The following NAV3 variants were observed in gnomAD, a reference collection of about 807,000 sequenced individuals.
NAV3 encodes neuron navigator 3, also known as pore membrane and/or filament interacting like protein 1.
In NAV3, 87 loss-of-function variants were observed where a neutral mutation model predicts 244.7. The ratio of observed to expected loss-of-function variants is 0.36; its 90% CI spans 0.30 to 0.42. NAV3 has a LOEUF of 0.42. Ranked by LOEUF, NAV3 falls within the 20% of genes least tolerant of loss-of-function variation. The pLI is 1.00. For synonymous variants in NAV3, 1,126 were observed against 1,042.2 expected, an observed-to-expected ratio of 1.08 and a Z score of -1.55; for missense variants, 2,663 against 2,893.3, an observed-to-expected ratio of 0.92 and a Z score of 1.83.
intron 1 of NAV3, among the ~76,000 whole-genome samples, chr12:77,885,282 T>G (rs866245581): frequency 2.0e-5 from 3 of 152,130 alleles, no homozygotes; most frequent in Admixed American, 6.6e-5. Flanking sequence ...ACTCTTAAAA[T>G]GTAATGATCT....
rs369643928 is a variant in NAV3, at chr12:77,659,583, T to C, written c.72+87317T>C. Among the ~76,000 whole-genome samples, 15 of 152,176 alleles carry C rather than the reference T, an allele frequency of 9.9e-5. No individual in the cohort carries two copies. In the East Asian group the frequency reaches 1.6e-3, roughly 16 times the overall value. Reference sequence around the variant, plus strand: ...CTCAGGGATCTAGAACTAGAAATACTATTTGACCCAGCCATCCCATTACTG... The same window carrying C: ...CTCAGGGATCTAGAACTAGAAATACCATTTGACCCAGCCATCCCATTACTG... On this transcript the variant is annotated intron_variant, in intron 2 of 8. Coordinates refer to the NAV3 transcript ENST00000550042.
intron 1 of NAV3, among the ~76,000 whole-genome samples, chr12:77,895,456 G>A (rs1293464680): frequency 2.0e-5 from 3 of 151,864 alleles, no homozygotes; most frequent in Non-Finnish European, 4.4e-5. Flanking sequence ...TGAGTTTTGG[G>A]CATGCAGCAA....
intron 18 of NAV3, among the ~76,000 whole-genome samples, chr12:78,132,783 A>G (rs1386164663): frequency 2.6e-5 from 4 of 152,096 alleles, no homozygotes; most frequent in African/African-American, 9.7e-5. Context: ...TTTCAGCTCT[A>G]AAACTAAAAT....
At position 77,991,025 on chromosome 12, in the gene NAV3, A is replaced by G. The variant is rs778082453; in HGVS notation, c.672-3778A>G. Among the ~76,000 whole-genome samples the G allele has an allele frequency of 2.0e-3, 306 of 152,120 alleles. 2 individuals are homozygous for G. Among genetic ancestry groups the G allele is most frequent in the Non-Finnish European group, 7.2e-4 (49 of 68,000 alleles). ...TCAAAATGTATTAGTTTTATTGTTTATTTATTTTTTTATTTTTTCTGAGAG... is the reference window on the plus strand; with the variant it reads ...TCAAAATGTATTAGTTTTATTGTTTGTTTATTTTTTTATTTTTTCTGAGAG... On this transcript the variant is annotated intron_variant, in intron 5 of 39. Transcript: ENST00000397909.
At chr12:77,767,904 G>A (rs1466427682) in intron 2 of NAV3, among the ~76,000 whole-genome samples, 1 of 152,214 alleles carries the variant, frequency 6.6e-6, no homozygotes, top group East Asian at 1.9e-4. Context: ...CCACCATTTG[G>A]CAGGTCCCAA....
intron 5 of NAV3, among the ~76,000 whole-genome samples, chr12:77,971,683 A>G (rs1011148649): frequency 1.3e-5 from 2 of 152,150 alleles, no homozygotes; most frequent in African/African-American, 4.8e-5. Flanking sequence ...GGTGTGAGTC[A>G]TAAATCATGA....
Position 77,621,338 on chromosome 12 carries a change from C to T in NAV3, c.72+49072C>T, listed in dbSNP as rs933897483. 3.3e-5 allele frequency among the ~76,000 whole-genome samples: 5 copies of T among 152,244 alleles called. No individual in the cohort carries two copies. The South Asian group carries it at 6.2e-4, about 19-fold the overall frequency. On this transcript the variant is annotated intron_variant, in intron 2 of 8. Coordinates refer to the NAV3 transcript ENST00000550042. ...ATGCCCTCCTACCCATCAAAGTTCT[C>T]GACATCCATCAGCTCTGAGAAATGA...
intron 1 of NAV3, among the ~76,000 whole-genome samples, chr12:77,905,444 A>G (rs567403379): frequency 1.3e-5 from 2 of 152,274 alleles, no homozygotes; most frequent in South Asian, 2.1e-4. Flanking sequence ...TTCAAAATAC[A>G]TGAGTCCAGT....
chr12:77,756,748 T>C (rs1869202028), intron 2 of NAV3, among the ~76,000 whole-genome samples: 1 of 152,228 alleles, frequency 6.6e-6, no homozygotes, highest in Non-Finnish European at 1.5e-5. Flanking sequence ...TGAAATTACT[T>C]TGTAATTCTG....
At chr12:77,661,518 A>C (rs1418201294) in intron 2 of NAV3, among the ~76,000 whole-genome samples, 1 of 151,982 alleles carries the variant, frequency 6.6e-6, no homozygotes, top group African/African-American at 2.4e-5. Flanking sequence ...TCACTTTCTT[A>C]ATGGCATTTA....
intron 2 of NAV3, among the ~76,000 whole-genome samples, chr12:77,822,851 C>T (rs926938898): frequency 1.4e-4 from 21 of 151,710 alleles, no homozygotes; most frequent in African/African-American, 4.6e-4. Flanking sequence ...TTCTTAAGGT[C>T]GAATGTGAAA....
At chr12:77,660,623 T>C (rs1004713254) in intron 2 of NAV3, among the ~76,000 whole-genome samples, 12 of 152,150 alleles carry the variant, frequency 7.9e-5, no homozygotes, top group Non-Finnish European at 1.6e-4. Context: ...TATATATGTA[T>C]GTATATTATA....
chr12:77,975,049 T>G (rs963436110), intron 5 of NAV3, among the ~76,000 whole-genome samples: 1 of 152,210 alleles, frequency 6.6e-6, no homozygotes, highest in Admixed American at 6.5e-5. Flanking sequence ...GAAAATAATT[T>G]AAAGTAATAA....
chr12:77,978,860 G>A (rs1039484966), intron 5 of NAV3, among the ~76,000 whole-genome samples: 1 of 151,530 alleles, frequency 6.6e-6, no homozygotes, highest in Non-Finnish European at 1.5e-5. Flanking sequence ...ACAAAATAAC[G>A]ATTGACTGTA....
At chr12:78,186,102 A>G (rs1235984028) in intron 31 of NAV3, among the ~76,000 whole-genome samples, 1 of 151,910 alleles carries the variant, frequency 6.6e-6, no homozygotes, top group Non-Finnish European at 1.5e-5. Flanking sequence ...TGAATATTTT[A>G]GAAATCAGAA....
At chr12:77,780,433 C>A (rs1393206145) in intron 2 of NAV3, among the ~76,000 whole-genome samples, 1 of 152,048 alleles carries the variant, frequency 6.6e-6, no homozygotes, top group Non-Finnish European at 1.5e-5. Context: ...AGATTTTATT[C>A]AAAATGATTG....
intron 12 of NAV3, among the ~76,000 whole-genome samples, chr12:78,078,562 AT>A (rs1352561224): frequency 6.6e-6 from 1 of 150,710 alleles, no homozygotes. Flanking sequence ...CGCCCGGCTA[AT>A]TTTTTGTATT....
At chr12:77,649,552 T>C (rs1380503381) in intron 2 of NAV3, among the ~76,000 whole-genome samples, 8 of 152,152 alleles carry the variant, frequency 5.3e-5, no homozygotes, top group Non-Finnish European at 1.2e-4. Flanking sequence ...CTCAACATAC[T>C]AATAAGAAGA....
upstream of NAV3, among the ~76,000 whole-genome samples, chr12:77,828,933 T>G (rs1873303005): frequency 6.6e-6 from 1 of 152,202 alleles, no homozygotes; most frequent in Non-Finnish European, 1.5e-5. Context: ...TGTACTAGTA[T>G]AATGCAGAAG....
Sources: gnomAD v4.1 joint callset for allele counts (sites outside exome capture counted in the v4.1 genomes callset) on GRCh38, gnomAD v4.1.1 for gene constraint, MANE v1.5 for transcripts, NCBI Gene and HGNC (gene_info 2026-07-23, HGNC 2026-07-21) for gene names.